Variants in ACSM1 observed in about 807,000 individuals in gnomAD.
ACSM1 encodes the protein acyl-coenzyme A synthetase ACSM1, mitochondrial.
In ACSM1, 79 loss-of-function variants were observed where a neutral mutation model predicts 75.8. The observed-to-expected ratio is 1.04, with a 90% confidence interval of 0.87 to 1.26. The LOEUF is 1.26. Ranked by LOEUF, ACSM1 falls within the 50% of genes most tolerant of loss-of-function variation. ACSM1 has a pLI of 0.00. For synonymous variants in ACSM1, 279 were observed against 265.8 expected (o/e 1.05, Z -0.48); for missense variants, 676 against 720.1 (o/e 0.94, Z 0.70).
At chr16:20,657,342 CTT>C (rs1293936660) in intron 7 of ACSM1, among the ~76,000 whole-genome samples, 3 of 151,898 alleles carry the variant, frequency 2.0e-5, no homozygotes, top group Non-Finnish European at 2.9e-5. Flanking sequence ...GAGTCTCTCT[CTT>C]GTCACCCAGG....
intron 4 of ACSM1, chr16:20,674,558 T>C (rs1443341768): frequency 6.5e-6 from 1 of 152,960 alleles, no homozygotes; most frequent in Non-Finnish European, 1.5e-5. Context: ...ATAATACATA[T>C]ATCCTCCTCA....
At chr16:20,660,171 A>G (rs1046152164) in intron 7 of ACSM1, among the ~76,000 whole-genome samples, 6 of 152,202 alleles carry the variant, frequency 3.9e-5, no homozygotes, top group East Asian at 1.9e-4. Flanking sequence ...GTAGTTTCCT[A>G]TGTACAGCAT....
At chr16:20,668,343 C>A (rs2019690193) in intron 6 of ACSM1, among the ~76,000 whole-genome samples, 3 of 152,012 alleles carry the variant, frequency 2.0e-5, no homozygotes, top group Admixed American at 2.0e-4. Flanking sequence ...ACATAAAGAC[C>A]TTTTGGGACA....
At chr16:20,665,878 GA>G (rs1483308048) in intron 6 of ACSM1, among the ~76,000 whole-genome samples, 1 of 152,014 alleles carries the variant, frequency 6.6e-6, no homozygotes, top group African/African-American at 2.4e-5. Flanking sequence ...GAATAAAAAA[GA>G]AAAGCCATAT....
intron 10 of ACSM1, among the ~76,000 whole-genome samples, chr16:20,627,869 C>CATACATATATACAT (rs1449856164): frequency 2.2e-4 from 17 of 77,538 alleles, no homozygotes; most frequent in African/African-American, 2.3e-4. Context: ...TGTATGTATA[C>CATACATATATACAT]ATATATATAT....
intron 10 of ACSM1, among the ~76,000 whole-genome samples, chr16:20,627,867 T>TAA: frequency 2.2e-5 from 1 of 44,808 alleles, no homozygotes; most frequent in Non-Finnish European, 4.3e-5. Flanking sequence ...TCTGTATGTA[T>TAA]ACATATATAT....
At chr16:20,658,066 A>T (rs1337430470) in intron 7 of ACSM1, among the ~76,000 whole-genome samples, 1 of 152,208 alleles carries the variant, frequency 6.6e-6, no homozygotes, top group Non-Finnish European at 1.5e-5. Context: ...CACAATAAAG[A>T]TACATGTGCA....
intron 10 of ACSM1, 120 bp downstream of exon 10, chr16:20,636,619 G>A (rs1303854258): frequency 8.3e-6 from 6 of 723,032 alleles, no homozygotes; most frequent in Non-Finnish European, 1.4e-5. Context: ...CGAGTTGAAT[G>A]AAAACTCATT....
At chr16:20,641,248 G>A (rs1176815460) in intron 7 of ACSM1, among the ~76,000 whole-genome samples, 2 of 152,216 alleles carry the variant, frequency 1.3e-5, no homozygotes, top group Non-Finnish European at 2.9e-5. Context: ...TGAAATGGCT[G>A]CCATTTGGCT....
At chr16:20,629,342 A>T (rs1484759611) in intron 10 of ACSM1, among the ~76,000 whole-genome samples, 2 of 152,208 alleles carry the variant, frequency 1.3e-5, no homozygotes, top group Admixed American at 6.5e-5. Flanking sequence ...ATACAATTGA[A>T]GTTAAGTAGG....
intron 6 of ACSM1, among the ~76,000 whole-genome samples, chr16:20,666,035 G>A (rs1225348786): frequency 6.6e-6 from 1 of 152,070 alleles, no homozygotes; most frequent in Non-Finnish European, 1.5e-5. Flanking sequence ...ACACTGACCA[G>A]GCAAAAGCTG....
intron 4 of ACSM1, among the ~76,000 whole-genome samples, chr16:20,675,260 T>C (rs1183187855): frequency 6.7e-6 from 1 of 150,286 alleles, no homozygotes; most frequent in African/African-American, 2.5e-5. Flanking sequence ...GCAAGGGAGG[T>C]GTGTGAAAGT....
At chr16:20,642,144 T>A (rs956742492) in intron 7 of ACSM1, among the ~76,000 whole-genome samples, 1 of 152,118 alleles carries the variant, frequency 6.6e-6, no homozygotes. Flanking sequence ...AAAATTAAAG[T>A]CTTGGTTTGG....
chr16:20,661,073 T>C (rs1425522232), intron 7 of ACSM1, among the ~76,000 whole-genome samples: 1 of 152,174 alleles, frequency 6.6e-6, no homozygotes, highest in Non-Finnish European at 1.5e-5. Flanking sequence ...TCTACAGAAA[T>C]GCATGCTTGT....
At chr16:20,663,490 G>A (rs904543664) in intron 6 of ACSM1, among the ~76,000 whole-genome samples, 7 of 152,010 alleles carry the variant, frequency 4.6e-5, no homozygotes, top group South Asian at 4.1e-4. Flanking sequence ...CTTTGACTCC[G>A]CCGGACTTTG....
chr16:20,641,142 C>T (rs1204349937), intron 7 of ACSM1, among the ~76,000 whole-genome samples: 1 of 151,888 alleles, frequency 6.6e-6, no homozygotes, highest in Non-Finnish European at 1.5e-5. Context: ...CAGGGTACAG[C>T]CCTGACAGAA....
intron 6 of ACSM1, among the ~76,000 whole-genome samples, chr16:20,664,147 G>T (rs913007766): frequency 4.1e-5 from 6 of 145,520 alleles, no homozygotes; most frequent in African/African-American, 1.3e-4. Flanking sequence ...AAATTGAATA[G>T]TATTTATTTA....
intron 7 of ACSM1, among the ~76,000 whole-genome samples, chr16:20,657,289 TG>T (rs2019026998): frequency 6.6e-6 from 1 of 151,294 alleles, no homozygotes; most frequent in African/African-American, 2.5e-5. Flanking sequence ...TTTTTGGGTT[TG>T]TTTTTTTGGT....
At chr16:20,654,357 A>C (rs2152243462) in intron 7 of ACSM1, among the ~76,000 whole-genome samples, 1 of 152,318 alleles carries the variant, frequency 6.6e-6, no homozygotes, top group South Asian at 2.1e-4. Flanking sequence ...CTTCATGTCT[A>C]AAACACCAAA....
Sources: gnomAD v4.1 joint callset for allele counts (sites outside exome capture counted in the v4.1 genomes callset) on GRCh38, gnomAD v4.1.1 for gene constraint, MANE v1.5 for transcripts, NCBI Gene and HGNC (gene_info 2026-07-23, HGNC 2026-07-21) for gene names.